CRLF2: variants seen among roughly 807,000 people sequenced by gnomAD.
CRLF2 encodes the protein cytokine receptor like factor 2, also known as cytokine receptor-like factor 2.
Under a neutral mutation model 38.7 loss-of-function variants are expected in CRLF2, and 41 were observed. The ratio of observed to expected loss-of-function variants is 1.06; its 90% CI spans 0.83 to 1.37. The LOEUF (loss-of-function observed/expected upper bound fraction) is 1.37, where lower values mean the gene tolerates loss of function less well. CRLF2 is among the 40% of genes most tolerant of loss of function. CRLF2 has a pLI of 0.00. For synonymous variants in CRLF2, 140 were observed against 128.8 expected (o/e 1.09, Z -0.59); for missense variants, 377 against 322.2 (o/e 1.17, Z -1.30).
chrX:1,210,957 A>G (rs1346414203), intron 1 of CRLF2, among the ~76,000 whole-genome samples: 1 of 151,766 alleles, frequency 6.6e-6, no homozygotes, highest in Non-Finnish European at 1.5e-5. Flanking sequence ...GCATGGATAG[A>G]TGGATACATA....
At chrX:1,191,298 T>C (rs1158379866) in intron 7 of CRLF2, 138 bp from the exon 8 acceptor site, 5 of 328,300 alleles carry the variant, frequency 1.5e-5, no homozygotes, top group Non-Finnish European at 2.0e-5. Flanking sequence ...TTCTTTTCTC[T>C]TTCTTTCTTT....
Position 1,212,549 on chromosome X carries a change from T to C in CRLF2, c.79+7A>G, listed in dbSNP as rs1304345856. ...ATACAACAAGAAGAGGGTGTTTAAATAATTACCTGCTCCTCCTTGCCCCAA... is the reference window on the plus strand; with the variant it reads ...ATACAACAAGAAGAGGGTGTTTAAACAATTACCTGCTCCTCCTTGCCCCAA... On this transcript the variant is annotated splice_region_variant and intron_variant, in intron 1 of 7. Transcript: ENST00000400841. The C allele has an allele frequency of 1.2e-6, 2 of 1,607,320 alleles. No individual in the cohort carries two copies. The highest frequency in any genetic ancestry group is 1.7e-6 in the Non-Finnish European group (2 of 1,175,290).
chrX:1,191,812 C>T (rs1464699620), intron 7 of CRLF2, among the ~76,000 whole-genome samples: 102 of 151,824 alleles, frequency 6.7e-4, no homozygotes, highest in African/African-American at 2.3e-3. Context: ...ACCAAAGGTG[C>T]GAGCCACCGT....
Position 1,198,608 on chromosome X carries a change from T to A in CRLF2, c.600A>T (p.Pro200=). Residue 200 remains proline, a synonymous_variant, in exon 5 of 8, where the codon CCA becomes CCT. Coordinates refer to ENST00000400841, the MANE Select transcript of CRLF2 (RefSeq NM_022148.4). ...AGCATGTCACCTCTGACCAGTCGCT[T>A]GGGTATGTGTCTGGCCCATATACAT... The part of the protein sequence containing the change: ...MEDVYGPDTY[P]SDWSEVTCWQ... 1 of 1,613,738 alleles carries A rather than the reference T, an allele frequency of 6.2e-7. No homozygotes were observed. Among genetic ancestry groups the A allele is most frequent in the South Asian group, 1.1e-5 (1 of 91,072 alleles).
intron 7 of CRLF2, among the ~76,000 whole-genome samples, 164 bp downstream of exon 7, chrX:1,193,054 C>G (rs1211583846): frequency 6.6e-6 from 1 of 151,706 alleles, no homozygotes; most frequent in Admixed American, 6.6e-5. Context: ...CTGAAGTGAG[C>G]CTCCCACCTC....
At chrX:1,191,348 TCTTTCTTTCTTTCCTTTCTTTC>T (rs2086375825) in intron 7 of CRLF2, among the ~76,000 whole-genome samples, 188 bp from the exon 8 acceptor site, 16 of 122,740 alleles carry the variant, frequency 1.3e-4, no homozygotes, top group South Asian at 3.2e-4. Context: ...TTTCTTTCCT[TCTTTCTTTCTTTCCTTTCTTTC>T]TCTTTCTTTC....
intron 4 of CRLF2, among the ~76,000 whole-genome samples, chrX:1,201,596 T>G (rs1436940034): frequency 1.5e-4 from 4 of 26,898 alleles, no homozygotes; most frequent in African/African-American, 4.2e-4. Context: ...AGAGCAATGA[T>G]AGAGAGATAG....
rs1373029669 is a variant in CRLF2, at chrX:1,190,917, G to A, written c.1096C>T (p.Arg366Cys). 1.9e-4 allele frequency: 76 copies of A among 398,656 alleles called. 1 individual carries two copies. Among genetic ancestry groups the A allele is most frequent in the East Asian group, 4.3e-4 (12 of 28,070 alleles). 24.7% of individuals were successfully genotyped at this position (398,656 alleles called of 1,614,324 possible). A position where few individuals can be genotyped will look rare whatever the true frequency, so the allele number is the denominator to read the frequency against. ...IGGFTFVMND[R>C]SYVAL ...GTCCATCACAACGCCACGTAGGAGC[G>A]GTCATTCATCACAAAGGTGAAGCCC... The change falls in exon 8 of 8, where the codon CGC becomes TGC. Residue 366 changes from arginine (R) to cysteine (C), a missense_variant. By Grantham distance (180) the Arg-to-Cys change is radical. Transcript: ENST00000400841.
chrX:1,209,259 G>T (rs1246863659), intron 1 of CRLF2, among the ~76,000 whole-genome samples: 1 of 149,650 alleles, frequency 6.7e-6, no homozygotes, highest in African/African-American at 2.5e-5. Context: ...GAGCCACCGC[G>T]CCTGACGTAT....
intron 7 of CRLF2, among the ~76,000 whole-genome samples, chrX:1,192,719 T>C (rs1233365867): frequency 1.6e-5 from 1 of 63,746 alleles, no homozygotes; most frequent in Non-Finnish European, 2.9e-5. Context: ...TTTCTTTCTT[T>C]CTTTCTTTCT....
rs1452905401 is a variant in CRLF2, at chrX:1,190,496, A to AAAC, written c.*398_*400dup. 7 of 236,594 alleles carry AAAC rather than the reference A, an allele frequency of 3.0e-5. No individual in the cohort carries two copies. The highest frequency in any genetic ancestry group is 2.1e-4 in the African/African-American group (7 of 32,846). 14.7% of individuals were successfully genotyped at this position (236,594 alleles called of 1,614,324 possible). ...GGCAACTGAGTGAGACTCTGTCTCA[A>AAAC]AACAGACAAAAAATCCTCCGAGAAT... is the stretch of plus-strand genomic sequence containing the variant. On this transcript the variant is annotated 3_prime_UTR_variant, in exon 8 of 8. Transcript: ENST00000400841.
chrX:1,198,773 ACACACACACAATG>A, intron 4 of CRLF2, 49 bp from the exon 5 acceptor site: 1 of 1,399,668 alleles, frequency 7.1e-7, no homozygotes, highest in Non-Finnish European at 9.9e-7. Context: ...ACACACACAC[ACACACACACAATG>A]ATTAGTGATG....
Position 1,193,223 on chromosome X carries a change from A to T in CRLF2, c.847T>A (p.Phe283Ile). The change falls in exon 7 of 8, where the codon TTC becomes ATC. Residue 283 changes from phenylalanine (F) to isoleucine (I), a missense_variant. Transcript: ENST00000400841. ...PGLFEIHQGN[F>I]QEWITDTQNV... ...CACAAGGAGAGGGCGGATACCTGGA[A>T]GTTCCCTTGGTGTATCTCAAAGAGC... The T allele has an allele frequency of 2.5e-6, 1 of 398,538 alleles. No individual in the cohort carries two copies. The highest frequency in any genetic ancestry group is 4.4e-6 in the Non-Finnish European group (1 of 226,146). The allele number at this position is 398,538 out of a possible 1,614,324, so 24.7% of individuals were successfully genotyped here. A position where few individuals can be genotyped will look rare whatever the true frequency, so the allele number is the denominator to read the frequency against.
At position 1,212,418 on chromosome X, in the gene CRLF2, G is replaced by GAAAAAAAAAAA. The variant is rs369256719; in HGVS notation, c.79+127_79+137dup. 167 of 430,076 alleles carry GAAAAAAAAAAA rather than the reference G, an allele frequency of 3.9e-4. 2 individuals are homozygous for GAAAAAAAAAAA. Among genetic ancestry groups the GAAAAAAAAAAA allele is most frequent in the East Asian group, 7.9e-4 (22 of 27,892 alleles). The allele number at this position is 430,076 out of a possible 1,614,324, so 26.6% of individuals were successfully genotyped here. A position where few individuals can be genotyped will look rare whatever the true frequency, so the allele number is the denominator to read the frequency against. On this transcript the variant is annotated intron_variant, in intron 1 of 7. Transcript: ENST00000400841. ...GAGGCAGGAGAATTGCTTGAACCCGGAAAAAAAAAAAAAAAAAAAAGAAAA... is the reference window on the plus strand; with the variant it reads ...GAGGCAGGAGAATTGCTTGAACCCGGAAAAAAAAAAAAAAAAAAAAAAAAAAAAAAAGAAAA...
At position 1,196,878 on chromosome X, in the gene CRLF2, C is replaced by A; in HGVS notation, c.669G>T (p.Thr223=). ...EIRDACAETP[T]PPKPKLSKFI... Reference sequence around the variant, plus strand: ...ATTTGGACAGCTTTGGTTTGGGAGGCGTTGGTGTCTCTGCACAGGCATCTG... The same window carrying A: ...ATTTGGACAGCTTTGGTTTGGGAGGAGTTGGTGTCTCTGCACAGGCATCTG... The change falls in exon 6 of 8, where the codon ACG becomes ACT. Residue 223 remains threonine (T), a synonymous_variant. Coordinates refer to ENST00000400841, the MANE Select transcript of CRLF2 (RefSeq NM_022148.4). 6.2e-7 allele frequency: 1 copy of A among 1,613,442 alleles called. No individual in the cohort carries two copies. Among genetic ancestry groups the A allele is most frequent in the Non-Finnish European group, 8.5e-7 (1 of 1,179,636 alleles).
At chrX:1,202,371 C>A in intron 4 of CRLF2, 31 bp downstream of exon 4, 1 of 1,612,766 alleles carries the variant, frequency 6.2e-7, no homozygotes, top group Non-Finnish European at 8.5e-7. Flanking sequence ...GCTCAGCCAC[C>A]ATCGCCCTGA....
intron 3 of CRLF2, 88 bp from the exon 4 acceptor site, chrX:1,202,623 C>G (rs1252453275): frequency 6.9e-7 from 1 of 1,453,518 alleles, no homozygotes; most frequent in Non-Finnish European, 9.4e-7. Context: ...TAGCCTGTAC[C>G]CCTCCTCCCC....
intron 7 of CRLF2, among the ~76,000 whole-genome samples, chrX:1,191,676 C>T (rs1393631056): frequency 5.3e-5 from 8 of 151,526 alleles, no homozygotes; most frequent in African/African-American, 9.7e-5. Flanking sequence ...GGATTACAGA[C>T]GTGCACCACC....
intron 5 of CRLF2, among the ~76,000 whole-genome samples, chrX:1,197,424 A>C (rs2086503535): frequency 6.6e-6 from 1 of 151,980 alleles, no homozygotes; most frequent in Non-Finnish European, 1.5e-5. Flanking sequence ...TCCAACATGT[A>C]GCCTTTGGAG....
Sources: gnomAD v4.1 joint callset for allele counts (sites outside exome capture counted in the v4.1 genomes callset) on GRCh38, gnomAD v4.1.1 for gene constraint, MANE v1.5 for transcripts, NCBI Gene and HGNC (gene_info 2026-07-23, HGNC 2026-07-21) for gene names.